Variants in DGKB observed in about 807,000 individuals in gnomAD.
DGKB encodes 90 kDa diacylglycerol kinase.
A neutral mutation model predicts 114.3 loss-of-function variants in DGKB; 67 were observed. The observed-to-expected ratio is 0.59, with a 90% confidence interval of 0.48 to 0.72. The LOEUF is 0.72. Ranked by LOEUF, DGKB falls within the 30% of genes least tolerant of loss-of-function variation. The pLI is 0.00. For missense variants in DGKB, 907 were observed against 975.2 expected (o/e 0.93, Z 0.93); for synonymous variants, 398 against 323.1 (o/e 1.23, Z -2.49).
chr7:14,223,987 C>G (rs1244481841), intron 23 of DGKB, among the ~76,000 whole-genome samples: 1 of 151,646 alleles, frequency 6.6e-6, no homozygotes, highest in Non-Finnish European at 1.5e-5. Context: ...ATGTCTCCAA[C>G]ATTTTTACTA....
chr7:14,444,582 A>G (rs1475775152), intron 21 of DGKB, among the ~76,000 whole-genome samples: 1 of 151,852 alleles, frequency 6.6e-6, no homozygotes, highest in Non-Finnish European at 1.5e-5. Context: ...GGTAGCATTA[A>G]ATGCTAAAAT....
chr7:14,212,153 T>TA lies in DGKB; in HGVS notation c.2123-34003_2123-34002insT, dbSNP rs5882431. Among the ~76,000 whole-genome samples, 5 of 3,316 alleles carry TA rather than the reference T, an allele frequency of 1.5e-3. 2 individuals carry two copies. The highest frequency in any genetic ancestry group is 0.011 in the African/African-American group (2 of 182). 2.2% of individuals were successfully genotyped at this position (3,316 alleles called of 152,430 possible). ...GTGATTTTACTCTCGTGTTTTGTGA[T>TA]TTTACTCTCATGTTTTGTGATATTT... On this transcript the variant is annotated intron_variant, in intron 23 of 25. Coordinates refer to ENST00000402815, the MANE Select transcript of DGKB (RefSeq NM_001350709.2).
At chr7:14,253,805 C>T (rs1273823818) in intron 23 of DGKB, among the ~76,000 whole-genome samples, 1 of 152,094 alleles carries the variant, frequency 6.6e-6, no homozygotes, top group Non-Finnish European at 1.5e-5. Context: ...TTGTATGTGT[C>T]CATTTGTCTC....
At position 14,264,904 on chromosome 7, in the gene DGKB, G is replaced by C. The variant is rs575851289; in HGVS notation, c.2122+73611C>G. Among the ~76,000 whole-genome samples the C allele has an allele frequency of 1.3e-3, 199 of 152,256 alleles. 1 individual carries two copies. Among genetic ancestry groups the C allele is most frequent in the African/African-American group, 4.7e-3 (194 of 41,554 alleles). On this transcript the variant is annotated intron_variant, in intron 23 of 25. Transcript: ENST00000402815. ...TTTAAACTACTAAAATGTGTGAAGG[G>C]TTGTCATACAGTAATAAATAACTGA... is the stretch of plus-strand genomic sequence containing the variant.
At chr7:14,731,956 A>G (rs907601445) in intron 5 of DGKB, among the ~76,000 whole-genome samples, 35 of 152,164 alleles carry the variant, frequency 2.3e-4, no homozygotes, top group African/African-American at 8.2e-4. Flanking sequence ...TAAATAGGTG[A>G]TAAGAGGCAC....
At chr7:14,960,622 T>G (rs1327744871) in intron 1 of DGKB, among the ~76,000 whole-genome samples, 2 of 152,098 alleles carry the variant, frequency 1.3e-5, no homozygotes, top group African/African-American at 4.8e-5. Flanking sequence ...AATATAATTT[T>G]GTATAATGAA....
At chr7:14,743,966 G>C (rs1832913964) in intron 4 of DGKB, among the ~76,000 whole-genome samples, 1 of 152,152 alleles carries the variant, frequency 6.6e-6, no homozygotes, top group African/African-American at 2.4e-5. Context: ...ACTCATGAAA[G>C]AGCTGAAACA....
Position 14,573,615 on chromosome 7 carries a change from T to C in DGKB, c.1770+597A>G, listed in dbSNP as rs561244432. On this transcript the variant is annotated intron_variant, in intron 20 of 25. Transcript: ENST00000402815. ...TTCATAATCATTGGCTAAAAATATA[T>C]ATAAAATCACTATTAAAATTATTCC... Among the ~76,000 whole-genome samples, 24 of 152,152 alleles carry C rather than the reference T, an allele frequency of 1.6e-4. No individual in the cohort carries two copies. In the South Asian group the frequency reaches 5.0e-3, roughly 32 times the overall value.
At chr7:14,638,334 T>A (rs1811125797) in intron 13 of DGKB, among the ~76,000 whole-genome samples, 2 of 152,200 alleles carry the variant, frequency 1.3e-5, no homozygotes, top group African/African-American at 4.8e-5. Flanking sequence ...CATCACACAC[T>A]TTAAACTCAA....
intron 13 of DGKB, among the ~76,000 whole-genome samples, chr7:14,652,471 C>T (rs1173576169): frequency 6.6e-6 from 1 of 151,950 alleles, no homozygotes; most frequent in African/African-American, 2.4e-5. Context: ...AACTGGATCC[C>T]TTCCTTACAC....
chr7:14,279,929 T>C (rs1654984652), intron 23 of DGKB, among the ~76,000 whole-genome samples: 1 of 151,844 alleles, frequency 6.6e-6, no homozygotes, highest in Non-Finnish European at 1.5e-5. Flanking sequence ...ACAGAAAAAC[T>C]GGAAACTCTA....
At chr7:14,756,077 G>T (rs747152880) in intron 3 of DGKB, among the ~76,000 whole-genome samples, 5 of 151,948 alleles carry the variant, frequency 3.3e-5, no homozygotes, top group Non-Finnish European at 7.4e-5. Flanking sequence ...ACTAAGTCTT[G>T]AGAGTCCTAT....
At chr7:14,209,185 AC>A (rs1336250696) in intron 23 of DGKB, 5 of 219,464 alleles carry the variant, frequency 2.3e-5, no homozygotes, top group East Asian at 1.5e-4. Context: ...AAAAAAAAAA[AC>A]GCCAAATTTA....
At chr7:14,710,033 A>G (rs939989898) in intron 6 of DGKB, among the ~76,000 whole-genome samples, 1 of 151,964 alleles carries the variant, frequency 6.6e-6, no homozygotes, top group African/African-American at 2.4e-5. Flanking sequence ...TTCTCCTATT[A>G]CAAAACAAAA....
intron 1 of DGKB, among the ~76,000 whole-genome samples, chr7:14,856,458 A>G (rs1168768961): frequency 6.6e-6 from 1 of 151,996 alleles, no homozygotes; most frequent in Non-Finnish European, 1.5e-5. Flanking sequence ...TGCTTCTTTT[A>G]TTCTTTTACT....
chr7:14,785,479 A>G (rs1464619209), intron 2 of DGKB, among the ~76,000 whole-genome samples: 2 of 152,144 alleles, frequency 1.3e-5, no homozygotes, highest in African/African-American at 2.4e-5. Context: ...TTGTGCACAC[A>G]TGGCATAAAC....
intron 21 of DGKB, among the ~76,000 whole-genome samples, chr7:14,467,474 A>G (rs2128880447): frequency 6.6e-6 from 1 of 151,790 alleles, no homozygotes; most frequent in South Asian, 2.1e-4. Flanking sequence ...CGCATATTAT[A>G]TATATACTTA....
At chr7:14,303,754 C>CACTT (rs1356190550) in intron 23 of DGKB, among the ~76,000 whole-genome samples, 1 of 152,098 alleles carries the variant, frequency 6.6e-6, no homozygotes, top group East Asian at 1.9e-4. Context: ...TCCAAGTAAA[C>CACTT]ACTTAGTCAT....
rs796795883 is a variant in DGKB, at chr7:14,877,399, T to TA, written c.-188+25192dup. 3.3e-5 allele frequency among the ~76,000 whole-genome samples: 5 copies of TA among 151,740 alleles called. No individual in the cohort carries two copies. The East Asian group carries it at 7.7e-4, about 24-fold the overall frequency. The stretch of plus-strand genomic sequence containing the variant: ...GGAGAAACCCCGTCTCTACTGAAAA[T>TA]AAAAAATTAGCCAAGTGTTGTGGCA... On this transcript the variant is annotated intron_variant, in intron 1 of 25. Coordinates refer to ENST00000402815, the MANE Select transcript of DGKB (RefSeq NM_001350709.2).
Sources: gnomAD v4.1 joint callset for allele counts (sites outside exome capture counted in the v4.1 genomes callset) on GRCh38, gnomAD v4.1.1 for gene constraint, MANE v1.5 for transcripts, NCBI Gene and HGNC (gene_info 2026-07-23, HGNC 2026-07-21) for gene names.